Variants in TRAF3IP1 observed in about 807,000 individuals in gnomAD.
TRAF3IP1 encodes the protein intraflagellar transport 54.
In TRAF3IP1, 53 loss-of-function variants were observed where a neutral mutation model predicts 89.9. That is an observed-to-expected ratio of 0.59 (90% confidence interval 0.47 to 0.74). The LOEUF is 0.74. TRAF3IP1 is among the 30% of genes least tolerant of loss of function. The probability of loss-of-function intolerance (pLI) is 0.00; values close to 1 mark genes in which losing one functional copy is unlikely to be tolerated. For missense variants in TRAF3IP1, 806 were observed against 866.1 expected (o/e 0.93, Z 0.87); for synonymous variants, 311 against 322.1 (o/e 0.97, Z 0.37).
rs1048081904 is a variant in TRAF3IP1, at chr2:238,340,462, T to G, written c.1159+2005T>G. 1.3e-5 allele frequency among the ~76,000 whole-genome samples: 2 copies of G among 152,064 alleles called. 1 individual carries two copies. The highest frequency in any genetic ancestry group is 4.8e-5 in the African/African-American group (2 of 41,388). ...GGGTCATCATCAGAGAATTTGTGGG[T>G]TTTATTGTTACCATTTTGATTTTTT... On this transcript the variant is annotated intron_variant, in intron 8 of 16. Transcript: ENST00000373327.
At chr2:238,359,493 C>T (rs912424936) in intron 15 of TRAF3IP1, among the ~76,000 whole-genome samples, 5 of 151,936 alleles carry the variant, frequency 3.3e-5, no homozygotes, top group Admixed American at 6.6e-5. Context: ...TTCAGTCTGG[C>T]CGTTTTTACT....
At position 238,341,650 on chromosome 2, in the gene TRAF3IP1, C is replaced by T. The variant is rs1370609871; in HGVS notation, c.1160-2847C>T. ...ACCTCTTTCAATTGTATTTATGGGC[C>T]GTACGTCTGATTAGTTTCAATAACA... On this transcript the variant is annotated intron_variant, in intron 8 of 16. Coordinates refer to ENST00000373327, the MANE Select transcript of TRAF3IP1 (RefSeq NM_015650.4). Among the ~76,000 whole-genome samples, 8 of 151,930 alleles carry T rather than the reference C, an allele frequency of 5.3e-5. No homozygotes were observed. In the East Asian group the frequency reaches 1.5e-3, roughly 29 times the overall value.
intron 15 of TRAF3IP1, among the ~76,000 whole-genome samples, chr2:238,391,389 A>G (rs1013375334): frequency 2.0e-4 from 31 of 152,240 alleles, no homozygotes; most frequent in African/African-American, 7.5e-4. Flanking sequence ...AATTGTTGAT[A>G]TATCTACATG....
At chr2:238,378,802 C>T (rs536313509) in intron 15 of TRAF3IP1, among the ~76,000 whole-genome samples, 2 of 152,168 alleles carry the variant, frequency 1.3e-5, no homozygotes, top group African/African-American at 2.4e-5. Flanking sequence ...GGGACCCCCC[C>T]CCAGGCCCCA....
chr2:238,376,622 T>A (rs1700328055), intron 15 of TRAF3IP1, among the ~76,000 whole-genome samples: 1 of 152,244 alleles, frequency 6.6e-6, no homozygotes, highest in African/African-American at 2.4e-5. Context: ...TTTTAGTGAA[T>A]GTTTATAATT....
intron 15 of TRAF3IP1, among the ~76,000 whole-genome samples, chr2:238,377,672 T>G (rs911610694): frequency 6.6e-6 from 1 of 152,192 alleles, no homozygotes; most frequent in Admixed American, 6.5e-5. Context: ...TTTGTTTTTC[T>G]TGTATGATCC....
intron 15 of TRAF3IP1, among the ~76,000 whole-genome samples, chr2:238,361,873 C>T (rs1247090885): frequency 6.6e-6 from 1 of 152,194 alleles, no homozygotes; most frequent in African/African-American, 2.4e-5. Flanking sequence ...ATTGCCTTGC[C>T]TGTCTTTGGA....
At chr2:238,371,528 A>G (rs1700111245) in intron 15 of TRAF3IP1, among the ~76,000 whole-genome samples, 1 of 152,242 alleles carries the variant, frequency 6.6e-6, no homozygotes, top group South Asian at 2.1e-4. Context: ...AGACACATCC[A>G]GATAATGCAA....
intron 3 of TRAF3IP1, 24 bp from the exon 4 acceptor site, chr2:238,328,662 A>G: frequency 6.2e-7 from 1 of 1,608,940 alleles, no homozygotes; most frequent in Non-Finnish European, 8.5e-7. Flanking sequence ...CTAACACCTC[A>G]TTTCCTTCCA....
chr2:238,331,477 AAAC>A (rs978138915), intron 5 of TRAF3IP1, among the ~76,000 whole-genome samples: 24 of 152,224 alleles, frequency 1.6e-4, no homozygotes, highest in Admixed American at 1.2e-3. Flanking sequence ...ACTCCGTCTC[AAAC>A]AACAACAACA....
At chr2:238,363,969 A>G (rs1026061320) in intron 15 of TRAF3IP1, among the ~76,000 whole-genome samples, 20 of 152,196 alleles carry the variant, frequency 1.3e-4, no homozygotes, top group African/African-American at 4.8e-4. Flanking sequence ...CAAAAAAAAT[A>G]TATAAATAAA....
intron 1 of TRAF3IP1, among the ~76,000 whole-genome samples, chr2:238,323,884 A>C (rs1192636311): frequency 6.6e-6 from 1 of 152,114 alleles, no homozygotes; most frequent in South Asian, 2.1e-4. Flanking sequence ...TTGCCCTAAA[A>C]GCTGGTTTTA....
chr2:238,384,583 C>G (rs1262660632), intron 15 of TRAF3IP1, among the ~76,000 whole-genome samples: 2 of 143,452 alleles, frequency 1.4e-5, no homozygotes, highest in Non-Finnish European at 3.0e-5. Context: ...ATACGTTTTA[C>G]CATGTTGGCC....
At chr2:238,327,862 TTTCACTTAATA>T (rs1414666571) in intron 3 of TRAF3IP1, among the ~76,000 whole-genome samples, 1 of 152,200 alleles carries the variant, frequency 6.6e-6, no homozygotes, top group African/African-American at 2.4e-5. Context: ...GACTGGCTTA[TTTCACTTAATA>T]TAATGTTCTC....
chr2:238,352,786 A>C, intron 12 of TRAF3IP1, 41 bp from the exon 13 acceptor site: 1 of 1,576,406 alleles, frequency 6.3e-7, no homozygotes, highest in Non-Finnish European at 8.6e-7. Flanking sequence ...GGACTGATGA[A>C]AATGTGTAAT....
intron 1 of TRAF3IP1, among the ~76,000 whole-genome samples, chr2:238,323,963 G>A (rs1697686647): frequency 6.6e-6 from 1 of 152,350 alleles, no homozygotes; most frequent in South Asian, 2.1e-4. Context: ...GCAGTGAGGT[G>A]TGGAGCCTGC....
chr2:238,337,958 C>G (rs1481732365), intron 7 of TRAF3IP1, among the ~76,000 whole-genome samples: 2 of 152,118 alleles, frequency 1.3e-5, no homozygotes, highest in Non-Finnish European at 2.9e-5. Context: ...TTCTAGCATA[C>G]AAGTGATGTT....
chr2:238,393,713 T>G (rs1214842425), intron 15 of TRAF3IP1, among the ~76,000 whole-genome samples: 1 of 152,218 alleles, frequency 6.6e-6, no homozygotes, highest in African/African-American at 2.4e-5. Context: ...TTTTTTGGCT[T>G]ATGGATGTCC....
intron 14 of TRAF3IP1, among the ~76,000 whole-genome samples, chr2:238,354,797 C>A (rs1699334506): frequency 6.6e-6 from 1 of 151,900 alleles, no homozygotes; most frequent in Non-Finnish European, 1.5e-5. Flanking sequence ...ATTACAGGCG[C>A]CCACCACCAC....
Sources: gnomAD v4.1 joint callset for allele counts (sites outside exome capture counted in the v4.1 genomes callset) on GRCh38, gnomAD v4.1.1 for gene constraint, MANE v1.5 for transcripts, NCBI Gene and HGNC (gene_info 2026-07-23, HGNC 2026-07-21) for gene names.